The following UBE4A variants were observed in gnomAD, a reference collection of about 807,000 sequenced individuals.
UBE4A encodes the protein ubiquitination factor E4A.
In UBE4A, 48 loss-of-function variants were observed where a neutral mutation model predicts 117.9. That is an observed-to-expected ratio of 0.41 (90% CI 0.32 to 0.52). UBE4A has a LOEUF of 0.52. Among genes scored for constraint, UBE4A ranks in the 20% least tolerant of loss-of-function variants. The pLI is 0.33. For missense variants in UBE4A, 1,067 were observed against 1,296.3 expected (o/e 0.82, Z 2.72); for synonymous variants, 407 against 450.0 (o/e 0.90, Z 1.21).
intron 1 of UBE4A, among the ~76,000 whole-genome samples, chr11:118,360,341 G>C (rs1183822292): frequency 6.6e-6 from 1 of 152,122 alleles, no homozygotes; most frequent in Non-Finnish European, 1.5e-5. Flanking sequence ...TTGGTCTCAC[G>C]TGGAAGCCCA....
intron 2 of UBE4A, among the ~76,000 whole-genome samples, chr11:118,365,791 A>C (rs1484223945): frequency 2.6e-5 from 4 of 152,212 alleles, no homozygotes; most frequent in South Asian, 2.1e-4. Flanking sequence ...CCTTAGCCTT[A>C]CTATGAAAAA....
At chr11:118,362,478 G>C (rs1948528111) in intron 1 of UBE4A, among the ~76,000 whole-genome samples, 1 of 152,108 alleles carries the variant, frequency 6.6e-6, no homozygotes, top group South Asian at 2.1e-4. Flanking sequence ...CTGGCTTTCA[G>C]CTTCCTTTCT....
At chr11:118,396,220 ATTC>A (rs1301710827) in intron 19 of UBE4A, 91 bp from the exon 20 acceptor site, 5 of 1,488,560 alleles carry the variant, frequency 3.4e-6, no homozygotes, top group Admixed American at 4.8e-5. Context: ...CTCTGGCTTC[ATTC>A]TTAAGATGCG....
chr11:118,381,867 T>C (rs1473346059), intron 12 of UBE4A, among the ~76,000 whole-genome samples: 1 of 152,254 alleles, frequency 6.6e-6, no homozygotes, highest in African/African-American at 2.4e-5. Context: ...ATAAAGCTTA[T>C]TCTTGCTATT....
intron 12 of UBE4A, 65 bp from the exon 13 acceptor site, chr11:118,382,524 G>A (rs1161731387): frequency 7.6e-7 from 1 of 1,310,744 alleles, no homozygotes; most frequent in African/African-American, 1.5e-5. Context: ...CTTATGTGGA[G>A]AGAACAGAGT....
rs1948759294 is a variant in UBE4A, at chr11:118,386,435, C to T, written c.2413-3C>T. 1 of 1,600,924 alleles carries T rather than the reference C, an allele frequency of 6.2e-7. No homozygotes were observed. The highest frequency in any genetic ancestry group is 1.8e-5 in the Admixed American group (1 of 56,504). On this transcript the variant is annotated splice_polypyrimidine_tract_variant and splice_region_variant and intron_variant, in intron 15 of 19. Coordinates refer to ENST00000252108, the MANE Select transcript of UBE4A (RefSeq NM_001204077.2). Reference sequence around the variant, plus strand: ...TGATATATCCCATCTCTGGTTTCTGCAGTATTTGAGCAAGATAAAGATTCA... The same window carrying T: ...TGATATATCCCATCTCTGGTTTCTGTAGTATTTGAGCAAGATAAAGATTCA...
At chr11:118,378,766 T>A (rs1159003189) in intron 10 of UBE4A, 2 of 152,234 alleles carry the variant, frequency 1.3e-5, no homozygotes, top group African/African-American at 4.8e-5. Flanking sequence ...TCATCTAGTT[T>A]CCCAATATTA....
chr11:118,371,743 G>C, intron 5 of UBE4A, 77 bp downstream of exon 5: 1 of 1,454,644 alleles, frequency 6.9e-7, no homozygotes, highest in Non-Finnish European at 9.2e-7. Flanking sequence ...AGTTGGATCA[G>C]TCTTTATTTC....
chr11:118,382,525 A>T, intron 12 of UBE4A, 64 bp from the exon 13 acceptor site: 1 of 1,312,030 alleles, frequency 7.6e-7, no homozygotes, highest in Non-Finnish European at 1.0e-6. Context: ...TTATGTGGAG[A>T]GAACAGAGTC....
At chr11:118,374,815 A>G in intron 8 of UBE4A, 81 bp from the exon 9 acceptor site, 4 of 1,334,502 alleles carry the variant, frequency 3.0e-6, no homozygotes, top group South Asian at 3.8e-5. Context: ...ATATTTTTGG[A>G]AACTGCCAGT....
chr11:118,391,518 G>A (rs1268674794), intron 18 of UBE4A, among the ~76,000 whole-genome samples: 1 of 149,832 alleles, frequency 6.7e-6, no homozygotes, highest in Non-Finnish European at 1.5e-5. Flanking sequence ...TTAAGGGCCA[G>A]GCGCGGTGGC....
rs782660542 is a variant in UBE4A at position 118,396,451 on chromosome 11, C to G, written c.*11C>G. The G allele has an allele frequency of 1.1e-5, 17 of 1,610,280 alleles. No homozygotes were observed. In the East Asian group the frequency reaches 3.8e-4, roughly 36 times the overall value. ...GAGCAACTTGAATAGATACTGTGAA[C>G]TAACCAAACCAAAACCAACCCCAGA... On this transcript the variant is annotated 3_prime_UTR_variant, in exon 20 of 20. Transcript: ENST00000252108.
chr11:118,369,652 T>TA, intron 4 of UBE4A, 117 bp downstream of exon 4: 1 of 630,616 alleles, frequency 1.6e-6, no homozygotes, highest in East Asian at 3.0e-5. Flanking sequence ...CTCTCTTTTT[T>TA]TTTTTTTTTT....
chr11:118,392,744 G>T lies in UBE4A; in HGVS notation c.2923G>T (p.Ala975Ser). Reference protein sequence around the residue: ...SNLAERIKSLADLQQQEEETY... With the variant: ...SNLAERIKSLSDLQQQEEETY... ...CCAGATGTTGTATACTCAGTCTCTT[G>T]CAGACCTCCAACAACAGGAAGAGGA... is the stretch of plus-strand genomic sequence containing the variant. The change falls in exon 19 of 20, where the codon GCA (alanine) becomes TCA (serine). Residue 975 changes from alanine to serine, a missense_variant. Physicochemically the swap from Ala to Ser is moderately conservative, Grantham distance 99. Coordinates refer to ENST00000252108, the MANE Select transcript of UBE4A (RefSeq NM_001204077.2). 1.2e-6 allele frequency: 2 copies of T among 1,613,758 alleles called. No homozygotes were observed. Among genetic ancestry groups the T allele is most frequent in the Non-Finnish European group, 8.5e-7 (1 of 1,179,858 alleles).
rs1246377511 is a variant in UBE4A, at chr11:118,398,205, T to G, written c.*1765T>G. On this transcript the variant is annotated 3_prime_UTR_variant, in exon 20 of 20. Transcript: ENST00000252108. Reference sequence around the variant, plus strand: ...AGACCAGAGTTTTTCAGGAGAAAACTGGAGGAAAATGGGCACAAAAACTCA... The same window carrying G: ...AGACCAGAGTTTTTCAGGAGAAAACGGGAGGAAAATGGGCACAAAAACTCA... 16 of 152,554 alleles carry G rather than the reference T, an allele frequency of 1.0e-4. No individual in the cohort carries two copies. Among genetic ancestry groups the G allele is most frequent in the Admixed American group, 1.0e-3 (16 of 15,278 alleles). The allele number at this position is 152,554 out of a possible 1,614,324, so 9.5% of individuals were successfully genotyped here. A position where few individuals can be genotyped will look rare whatever the true frequency, so the allele number is the denominator to read the frequency against.
chr11:118,377,396 A>G (rs1217610509), intron 10 of UBE4A, among the ~76,000 whole-genome samples: 1 of 151,650 alleles, frequency 6.6e-6, no homozygotes, highest in East Asian at 2.0e-4. Context: ...TTTAGTAGAG[A>G]TGGGGTTTCG....
chr11:118,369,936 C>A (rs1948595869), intron 4 of UBE4A, among the ~76,000 whole-genome samples: 1 of 151,594 alleles, frequency 6.6e-6, no homozygotes, highest in South Asian at 2.1e-4. Flanking sequence ...ACTAAAAATA[C>A]AAAAAATTAG....
rs201002188 is a variant in UBE4A, at chr11:118,368,764, T to C, written c.255T>C (p.Asn85=). The C allele has an allele frequency of 6.2e-7, 1 of 1,614,176 alleles. No homozygotes were observed. Among genetic ancestry groups the C allele is most frequent in the Non-Finnish European group, 8.5e-7 (1 of 1,180,030 alleles). The change falls in exon 3 of 20, where the codon AAT becomes AAC. Residue 85 remains asparagine, a synonymous_variant. Transcript: ENST00000252108. ...AAATATGTGAGCAACTCAACATCAA[T>C]CACATGATCCAAAGGATCTTCCTTA... is the stretch of plus-strand genomic sequence containing the variant. ...QQEICEQLNI[N]HMIQRIFLIT...
At chr11:118,362,250 G>GT (rs1431102831) in intron 1 of UBE4A, among the ~76,000 whole-genome samples, 1 of 152,146 alleles carries the variant, frequency 6.6e-6, no homozygotes, top group Non-Finnish European at 1.5e-5. Flanking sequence ...AGCCTCCTGA[G>GT]TAGCTGAGAT....
Sources: gnomAD v4.1 joint callset for allele counts (sites outside exome capture counted in the v4.1 genomes callset) on GRCh38, gnomAD v4.1.1 for gene constraint, MANE v1.5 for transcripts, NCBI Gene and HGNC (gene_info 2026-07-23, HGNC 2026-07-21) for gene names.